ARL15: variants seen among roughly 807,000 people sequenced by gnomAD.
ARL15 encodes ARF like GTPase 15.
ARL15 carries 19 observed loss-of-function variants against 25.2 expected under a neutral mutation model. The observed-to-expected ratio is 0.75, with a 90% CI of 0.53 to 1.10. The LOEUF (loss-of-function observed/expected upper bound fraction) is 1.10, where lower values mean the gene tolerates loss of function less well. Ranked by LOEUF, ARL15 falls within the 50% of genes least tolerant of loss-of-function variation. The pLI, the probability that ARL15 is intolerant of heterozygous loss-of-function variation, is 0.00. For missense variants in ARL15, 220 were observed against 246.0 expected (o/e 0.89, Z 0.71); for synonymous variants, 94 against 86.8 (o/e 1.08, Z -0.46).
intron 1 of ARL15, among the ~76,000 whole-genome samples, chr5:54,299,525 G>A (rs532980089): frequency 1.4e-5 from 2 of 147,722 alleles, no homozygotes; most frequent in East Asian, 4.0e-4. Context: ...TGTGCCTCCT[G>A]CAAAATATTA....
At chr5:54,225,615 G>A (rs1756497371) in intron 1 of ARL15, among the ~76,000 whole-genome samples, 1 of 152,140 alleles carries the variant, frequency 6.6e-6, no homozygotes, top group Non-Finnish European at 1.5e-5. Context: ...AAGTTAAGTA[G>A]CTCATAGGAT....
intron 4 of ARL15, among the ~76,000 whole-genome samples, chr5:54,088,228 T>C (rs1039758923): frequency 4.6e-5 from 7 of 152,140 alleles, no homozygotes; most frequent in East Asian, 1.9e-4. Context: ...AATTGGGGAA[T>C]TGTCAGGACA....
chr5:54,016,855 T>A (rs1431815448), intron 4 of ARL15, among the ~76,000 whole-genome samples: 1 of 152,206 alleles, frequency 6.6e-6, no homozygotes, highest in African/African-American at 2.4e-5. Context: ...TATTCTACCA[T>A]CTTATGCATA....
chr5:54,242,240 AAAGT>A (rs1261215079), intron 1 of ARL15, among the ~76,000 whole-genome samples: 1 of 152,202 alleles, frequency 6.6e-6, no homozygotes. Context: ...GCTAAATGGT[AAAGT>A]AATAATGATA....
chr5:54,006,238 A>T lies in ARL15; in HGVS notation c.462+106964T>A, dbSNP rs576872932. On this transcript the variant is annotated intron_variant, in intron 4 of 4. Transcript: ENST00000504924. ...TTGTTTCTGGGCTATAACTGAGGTG[A>T]CATTTCCTAGATATACCCCAGAAAT... Among the ~76,000 whole-genome samples, 5 of 152,238 alleles carry T rather than the reference A, an allele frequency of 3.3e-5. No homozygotes were observed. The South Asian group carries it at 1.0e-3, about 32-fold the overall frequency.
intron 4 of ARL15, among the ~76,000 whole-genome samples, chr5:54,040,991 G>A (rs986324949): frequency 3.9e-5 from 6 of 152,174 alleles, no homozygotes; most frequent in South Asian, 4.1e-4. Context: ...GCCAGCAAGT[G>A]TAGAGCAGAC....
At chr5:54,022,762 G>A (rs1561192593) in intron 4 of ARL15, among the ~76,000 whole-genome samples, 2 of 152,106 alleles carry the variant, frequency 1.3e-5, no homozygotes, top group Admixed American at 6.5e-5. Context: ...TGTAATAAAC[G>A]TGTGTGCCTT....
At chr5:53,895,977 CAT>C (rs1744858709) in intron 4 of ARL15, among the ~76,000 whole-genome samples, 1 of 152,188 alleles carries the variant, frequency 6.6e-6, no homozygotes, top group African/African-American at 2.4e-5. Flanking sequence ...CTATGTGTAA[CAT>C]ATACTTTAAA....
intron 4 of ARL15, among the ~76,000 whole-genome samples, chr5:53,988,911 G>A (rs1045174602): frequency 1.3e-5 from 2 of 152,174 alleles, no homozygotes; most frequent in Non-Finnish European, 2.9e-5. Context: ...AACATCTATT[G>A]AGCATATTTC....
chr5:54,172,715 T>C (rs866208143), intron 1 of ARL15, among the ~76,000 whole-genome samples: 1 of 152,240 alleles, frequency 6.6e-6, no homozygotes. Context: ...AAAATGTTAA[T>C]GACTAGTGAT....
chr5:53,917,268 C>A (rs930708723), intron 4 of ARL15, among the ~76,000 whole-genome samples: 2 of 152,110 alleles, frequency 1.3e-5, no homozygotes, highest in African/African-American at 4.8e-5. Context: ...GTGAAACATA[C>A]CAATAGATTG....
chr5:54,104,079 T>C (rs1752517602), intron 4 of ARL15, among the ~76,000 whole-genome samples: 1 of 152,196 alleles, frequency 6.6e-6, no homozygotes, highest in South Asian at 2.1e-4. Flanking sequence ...TCAGGGTCAG[T>C]GGCTCTTCCC....
intron 1 of ARL15, among the ~76,000 whole-genome samples, chr5:54,254,292 G>A (rs1579954771): frequency 1.3e-5 from 2 of 152,072 alleles, no homozygotes; most frequent in East Asian, 3.9e-4. Flanking sequence ...GTAACCTTGG[G>A]TACTTGCTAT....
chr5:54,124,804 G>A (rs700915), intron 3 of ARL15, among the ~76,000 whole-genome samples: 30,832 of 152,038 alleles, frequency 0.2, 3,868 homozygotes, highest in East Asian at 0.68. Context: ...GTCATTCCAA[G>A]CTAATTACTA....
intron 1 of ARL15, among the ~76,000 whole-genome samples, chr5:54,179,055 C>T (rs1754971217): frequency 1.3e-5 from 2 of 152,142 alleles, no homozygotes; most frequent in African/African-American, 4.8e-5. Context: ...GAAACTGAGG[C>T]TCAAAGAAGT....
At chr5:53,968,361 C>T (rs895263180) in intron 4 of ARL15, among the ~76,000 whole-genome samples, 1 of 152,088 alleles carries the variant, frequency 6.6e-6, no homozygotes, top group Non-Finnish European at 1.5e-5. Flanking sequence ...AAATGCCAAG[C>T]TAATTTTAAA....
At chr5:53,973,654 G>A (rs908830986) in intron 4 of ARL15, among the ~76,000 whole-genome samples, 42 of 151,694 alleles carry the variant, frequency 2.8e-4, no homozygotes, top group Admixed American at 2.0e-4. Context: ...TGAGGTGGGA[G>A]GATCACTTGA....
intron 3 of ARL15, among the ~76,000 whole-genome samples, chr5:54,121,239 T>A (rs1163935123): frequency 6.6e-6 from 1 of 152,194 alleles, no homozygotes; most frequent in East Asian, 1.9e-4. Flanking sequence ...CTCTGCAATA[T>A]ATGACTGCAC....
At chr5:54,184,736 G>C (rs540656779) in intron 1 of ARL15, among the ~76,000 whole-genome samples, 1 of 152,042 alleles carries the variant, frequency 6.6e-6, no homozygotes, top group East Asian at 1.9e-4. Flanking sequence ...ATGGAGCTCA[G>C]TCCCATATAT....
Sources: gnomAD v4.1 joint callset for allele counts (sites outside exome capture counted in the v4.1 genomes callset) on GRCh38, gnomAD v4.1.1 for gene constraint, MANE v1.5 for transcripts, NCBI Gene and HGNC (gene_info 2026-07-23, HGNC 2026-07-21) for gene names.